OSBPL10: variants seen among roughly 807,000 people sequenced by gnomAD.
OSBPL10 encodes the protein oxysterol-binding protein-related protein 10.
In OSBPL10, 49 loss-of-function variants were observed where a neutral mutation model predicts 81.7. The observed-to-expected ratio is 0.60, with a 90% CI of 0.48 to 0.76. OSBPL10 has a LOEUF of 0.76. OSBPL10 is among the 30% of genes least tolerant of loss of function. The pLI, the probability that OSBPL10 is intolerant of heterozygous loss-of-function variation, is 0.00. For synonymous variants in OSBPL10, 419 were observed against 383.6 expected (o/e 1.09, Z -1.08); for missense variants, 923 against 987.8 (o/e 0.93, Z 0.88).
intron 4 of OSBPL10, among the ~76,000 whole-genome samples, chr3:31,777,563 G>A (rs1260751318): frequency 6.6e-6 from 1 of 152,198 alleles, no homozygotes; most frequent in Non-Finnish European, 1.5e-5. Flanking sequence ...GACTCACAGT[G>A]TGGACTTTTG....
chr3:31,913,030 G>T (rs1054410383), intron 1 of OSBPL10, among the ~76,000 whole-genome samples: 1 of 151,972 alleles, frequency 6.6e-6, no homozygotes, highest in East Asian at 1.9e-4. Flanking sequence ...CCACACACCC[G>T]CATATATAAC....
intron 6 of OSBPL10, among the ~76,000 whole-genome samples, chr3:31,727,691 A>G (rs7638790): frequency 9.2e-5 from 14 of 152,196 alleles, no homozygotes; most frequent in Admixed American, 2.0e-4. Flanking sequence ...AAACAAACTT[A>G]TAAGATTGAA....
At chr3:31,786,082 G>A in intron 4 of OSBPL10, among the ~76,000 whole-genome samples, 1 of 152,154 alleles carries the variant, frequency 6.6e-6, no homozygotes, top group Non-Finnish European at 1.5e-5. Context: ...AAGACCCAGG[G>A]ATGCCATTAT....
At chr3:31,700,511 T>A (rs1695859625) in intron 7 of OSBPL10, 1 of 152,198 alleles carries the variant, frequency 6.6e-6, no homozygotes, top group African/African-American at 2.4e-5. Flanking sequence ...TGAGAATATA[T>A]CCTACATCGT....
chr3:31,754,806 GT>G (rs1319871261), intron 4 of OSBPL10, among the ~76,000 whole-genome samples: 1 of 152,144 alleles, frequency 6.6e-6, no homozygotes. Flanking sequence ...TTCACTCTCA[GT>G]TTCGGTGTCA....
intron 1 of OSBPL10, among the ~76,000 whole-genome samples, chr3:31,975,295 A>C (rs567697080): frequency 6.6e-6 from 1 of 152,338 alleles, no homozygotes; most frequent in Admixed American, 6.5e-5. Context: ...AGATATGCAG[A>C]TATTTCCTAT....
rs145374523 is a variant in OSBPL10 at position 32,071,064 on chromosome 3, C to G, written n.185+6332G>C. ...GATGACCTTCTACTTTGTAGCCCCT[C>G]CTTTGAATCTTCTCAACAAGATACC... On this transcript the variant is annotated intron_variant and non_coding_transcript_variant, in intron 1 of 3. Transcript: ENST00000479173. Among the ~76,000 whole-genome samples the G allele has an allele frequency of 7.0e-3, 1,061 of 152,320 alleles. 10 individuals are homozygous for G. Among genetic ancestry groups the G allele is most frequent in the African/African-American group, 0.024 (1,015 of 41,552 alleles).
intron 1 of OSBPL10, among the ~76,000 whole-genome samples, chr3:31,950,017 C>G (rs1187085870): frequency 6.6e-6 from 1 of 151,900 alleles, no homozygotes; most frequent in African/African-American, 2.4e-5. Flanking sequence ...GGAAATCCTA[C>G]TTATGTAGGC....
At chr3:31,708,866 C>T (rs1445908761) in intron 6 of OSBPL10, 9 of 985,230 alleles carry the variant, frequency 9.1e-6, no homozygotes, top group African/African-American at 5.2e-5. Context: ...GAAGTCATGC[C>T]GAAGACAGAA....
chr3:31,909,925 G>A (rs1696524734), intron 1 of OSBPL10, among the ~76,000 whole-genome samples: 1 of 151,176 alleles, frequency 6.6e-6, no homozygotes, highest in Admixed American at 6.6e-5. Context: ...GGAGCACCAA[G>A]AGGCTGGCTA....
chr3:31,720,209 AT>A (rs34576674), intron 6 of OSBPL10, among the ~76,000 whole-genome samples: 44,806 of 151,990 alleles, frequency 0.29, 8,047 homozygotes, highest in East Asian at 0.59. Context: ...GTATTTTTTA[AT>A]GCAATAATTA....
At chr3:31,829,279 T>G (rs1224965835) in intron 4 of OSBPL10, among the ~76,000 whole-genome samples, 1 of 152,168 alleles carries the variant, frequency 6.6e-6, no homozygotes, top group African/African-American at 2.4e-5. Flanking sequence ...ACCACCATCA[T>G]TTATTTGAGA....
intron 8 of OSBPL10, among the ~76,000 whole-genome samples, chr3:31,675,992 G>C (rs539046383): frequency 1.4e-4 from 21 of 151,158 alleles, no homozygotes; most frequent in Non-Finnish European, 2.4e-4. Flanking sequence ...CTTCCAATAG[G>C]CTATACCTGT....
chr3:31,799,870 G>A (rs868812190), intron 4 of OSBPL10, among the ~76,000 whole-genome samples: 5 of 151,964 alleles, frequency 3.3e-5, no homozygotes, highest in Admixed American at 6.6e-5. Flanking sequence ...CACCATACCC[G>A]GCTAATTTTT....
chr3:31,756,481 T>A (rs1697893490), intron 4 of OSBPL10, among the ~76,000 whole-genome samples: 1 of 152,222 alleles, frequency 6.6e-6, no homozygotes, highest in Non-Finnish European at 1.5e-5. Flanking sequence ...TTACCTGTCA[T>A]CCCACTTCCT....
chr3:31,718,152 A>G (rs1027364059), intron 6 of OSBPL10: 9 of 151,562 alleles, frequency 5.9e-5, no homozygotes, highest in Non-Finnish European at 1.0e-4. Context: ...TTTTGAGACA[A>G]AGTCTCACTC....
At chr3:31,972,901 G>A (rs1214640353) in intron 1 of OSBPL10, among the ~76,000 whole-genome samples, 1 of 152,056 alleles carries the variant, frequency 6.6e-6, no homozygotes, top group African/African-American at 2.4e-5. Flanking sequence ...GACCTTCAAG[G>A]AACAGACTTG....
chr3:31,951,329 G>C (rs1443188147), intron 1 of OSBPL10, among the ~76,000 whole-genome samples: 1 of 151,608 alleles, frequency 6.6e-6, no homozygotes, highest in East Asian at 1.9e-4. Flanking sequence ...ATAAAACTGA[G>C]AAACAAAACT....
intron 4 of OSBPL10, among the ~76,000 whole-genome samples, chr3:31,783,865 A>T: frequency 8.4e-6 from 1 of 119,008 alleles, no homozygotes; most frequent in African/African-American, 2.9e-5. Context: ...TATATGAATG[A>T]ATAAATAAAA....
Sources: gnomAD v4.1 joint callset for allele counts (sites outside exome capture counted in the v4.1 genomes callset) on GRCh38, gnomAD v4.1.1 for gene constraint, MANE v1.5 for transcripts, NCBI Gene and HGNC (gene_info 2026-07-23, HGNC 2026-07-21) for gene names.